Variants in AIM2 observed in about 807,000 individuals in gnomAD.
AIM2 encodes the protein interferon-inducible protein AIM2.
In AIM2, 30 loss-of-function variants were observed where a neutral mutation model predicts 27.7. That is an observed-to-expected ratio of 1.08 (90% CI 0.81 to 1.47). The LOEUF is 1.47. Ranked by LOEUF, AIM2 falls within the 40% of genes most tolerant of loss-of-function variation. AIM2 has a pLI of 0.00. For missense variants in AIM2, 358 were observed against 411.3 expected (o/e 0.87, Z 1.12); for synonymous variants, 141 against 145.3 (o/e 0.97, Z 0.21).
chr1:159,076,419 C>T (rs769241299), intron 1 of AIM2, among the ~76,000 whole-genome samples: 4 of 152,096 alleles, frequency 2.6e-5, no homozygotes, highest in Non-Finnish European at 5.9e-5. Flanking sequence ...CAAAGGAAGC[C>T]GAAGCTTAAG....
chr1:159,091,971 G>T (rs1201446349), intron 1 of AIM2, among the ~76,000 whole-genome samples: 1 of 152,122 alleles, frequency 6.6e-6, no homozygotes, highest in South Asian at 2.1e-4. Flanking sequence ...TTGCCCAAGG[G>T]CACACACACC....
At chr1:159,146,949 T>G (rs547311565) in intron 1 of AIM2, 2 of 152,374 alleles carry the variant, frequency 1.3e-5, no homozygotes, top group African/African-American at 2.4e-5. Context: ...CAACTTGTAG[T>G]ACCCATCCTT....
At chr1:159,125,599 A>C (rs1476527433) in intron 1 of AIM2, among the ~76,000 whole-genome samples, 3 of 152,234 alleles carry the variant, frequency 2.0e-5, no homozygotes, top group East Asian at 1.9e-4. Flanking sequence ...TTTGACTGTC[A>C]AATCTGCTAC....
chr1:159,085,637 G>GCT (rs1656893229), intron 1 of AIM2, among the ~76,000 whole-genome samples: 1 of 152,224 alleles, frequency 6.6e-6, no homozygotes, highest in Non-Finnish European at 1.5e-5. Flanking sequence ...ACAGATGGCA[G>GCT]CTGATGCTGC....
At chr1:159,065,857 TG>T in intron 4 of AIM2, 52 bp downstream of exon 4, 1 of 1,504,690 alleles carries the variant, frequency 6.6e-7, no homozygotes, top group East Asian at 2.3e-5. Flanking sequence ...TAAGATCAGA[TG>T]GGAAATACGT....
At chr1:159,102,875 C>T (rs1455811199) in intron 1 of AIM2, among the ~76,000 whole-genome samples, 14 of 152,252 alleles carry the variant, frequency 9.2e-5, no homozygotes, top group South Asian at 4.1e-4. Flanking sequence ...TTATCTCAGA[C>T]GAGACTTTGG....
intron 1 of AIM2, among the ~76,000 whole-genome samples, chr1:159,090,147 T>A (rs1053132698): frequency 6.6e-6 from 1 of 152,218 alleles, no homozygotes; most frequent in African/African-American, 2.4e-5. Context: ...CTCACTGCAA[T>A]TTAACTTCTC....
At chr1:159,122,816 C>A (rs1308730477) in intron 1 of AIM2, among the ~76,000 whole-genome samples, 1 of 152,172 alleles carries the variant, frequency 6.6e-6, no homozygotes, top group Non-Finnish European at 1.5e-5. Flanking sequence ...ACCCCAAGTT[C>A]TTTGGGCCAC....
intron 1 of AIM2, among the ~76,000 whole-genome samples, chr1:159,117,197 G>T (rs1182581851): frequency 1.3e-5 from 2 of 152,122 alleles, no homozygotes; most frequent in Non-Finnish European, 2.9e-5. Context: ...TTTAAAAACG[G>T]AGGAGACAGG....
At chr1:159,055,594 T>C in the AIM2 span, among the ~76,000 whole-genome samples, 1 of 152,244 alleles carries the variant, frequency 6.6e-6, no homozygotes, top group Non-Finnish European at 1.5e-5. Context: ...CCGACTGCTC[T>C]TCACGCACTT....
chr1:159,143,141 C>T (rs863033), upstream of AIM2, among the ~76,000 whole-genome samples: 137,881 of 152,250 alleles, frequency 0.91, 62,694 homozygotes, highest in East Asian at 1. Flanking sequence ...AAGGGCTTTC[C>T]GACTCTAAGA....
intron 1 of AIM2, among the ~76,000 whole-genome samples, chr1:159,146,735 C>G (rs546471511): frequency 7.6e-4 from 116 of 152,284 alleles, no homozygotes; most frequent in African/African-American, 2.4e-3. Context: ...TCTCTGCCCC[C>G]CTTAGCCATC....
chr1:159,055,272 G>C, the AIM2 span: 1 of 158,324 alleles, frequency 6.3e-6, no homozygotes, highest in Non-Finnish European at 1.4e-5. Flanking sequence ...TTATACTTTG[G>C]GTGTGATCTT....
chr1:159,123,757 C>A (rs1647605621), intron 1 of AIM2, among the ~76,000 whole-genome samples: 1 of 152,180 alleles, frequency 6.6e-6, no homozygotes, highest in Non-Finnish European at 1.5e-5. Flanking sequence ...TTTTAAATCA[C>A]AACAGCTAAC....
intron 1 of AIM2, among the ~76,000 whole-genome samples, chr1:159,105,084 C>A (rs1657404464): frequency 6.6e-6 from 1 of 152,204 alleles, no homozygotes; most frequent in Admixed American, 6.5e-5. Context: ...AGATCCCATG[C>A]CTGCCAAGGG....
At chr1:159,146,074 C>T (rs560579395) in intron 1 of AIM2, among the ~76,000 whole-genome samples, 2 of 151,624 alleles carry the variant, frequency 1.3e-5, no homozygotes, top group South Asian at 4.2e-4. Context: ...CCACTGCACT[C>T]CAGCCTGGTG....
At chr1:159,124,948 C>G (rs1479367512) in intron 1 of AIM2, among the ~76,000 whole-genome samples, 1 of 152,170 alleles carries the variant, frequency 6.6e-6, no homozygotes, top group South Asian at 2.1e-4. Context: ...ATTATTTTTC[C>G]CACCTTCGAG....
At chr1:159,071,894 C>G (rs188461738) in intron 2 of AIM2, among the ~76,000 whole-genome samples, 1 of 152,124 alleles carries the variant, frequency 6.6e-6, no homozygotes, top group East Asian at 1.9e-4. Flanking sequence ...CCTGAGTTTC[C>G]AAGCTAGTCC....
intron 1 of AIM2, among the ~76,000 whole-genome samples, chr1:159,099,911 TA>T (rs1270449453): frequency 3.9e-5 from 6 of 151,970 alleles, no homozygotes; most frequent in Non-Finnish European, 8.8e-5. Flanking sequence ...TCTCTGGCCT[TA>T]AAAAAAATGA....
Sources: gnomAD v4.1 joint callset for allele counts (sites outside exome capture counted in the v4.1 genomes callset) on GRCh38, gnomAD v4.1.1 for gene constraint, MANE v1.5 for transcripts, NCBI Gene and HGNC (gene_info 2026-07-23, HGNC 2026-07-21) for gene names.